The following DOCK8 variants were observed in gnomAD, a reference collection of about 807,000 sequenced individuals.
DOCK8 encodes dedicator of cytokinesis 8.
In DOCK8, 141 loss-of-function variants were observed where a neutral mutation model predicts 245.6. The observed-to-expected ratio is 0.57, with a 90% confidence interval of 0.50 to 0.66. DOCK8 has a LOEUF of 0.66. Ranked by LOEUF, DOCK8 falls within the 30% of genes least tolerant of loss-of-function variation. The probability of loss-of-function intolerance (pLI) is 0.00; values close to 1 mark genes in which losing one functional copy is unlikely to be tolerated. For missense variants in DOCK8, 2,965 were observed against 2,603.4 expected (o/e 1.14, Z -3.02); for synonymous variants, 1,168 against 970.2 (o/e 1.20, Z -3.79).
At chr9:275,061 A>AT (rs1300366506) in intron 2 of DOCK8, among the ~76,000 whole-genome samples, 1 of 152,248 alleles carries the variant, frequency 6.6e-6, no homozygotes, top group African/African-American at 2.4e-5. Flanking sequence ...TACAGTTGTC[A>AT]TTTATTAGTC....
chr9:451,780 A>G (rs578120588), intron 45 of DOCK8, among the ~76,000 whole-genome samples: 6 of 151,488 alleles, frequency 4.0e-5, no homozygotes, highest in Non-Finnish European at 8.8e-5. Flanking sequence ...TACAAAATTA[A>G]ATGTTCAAAC....
intron 19 of DOCK8, among the ~76,000 whole-genome samples, chr9:376,718 G>A (rs1215151668): frequency 2.0e-5 from 3 of 152,166 alleles, no homozygotes; most frequent in Admixed American, 6.5e-5. Flanking sequence ...TACCTGGTAC[G>A]CTGACCTCTG....
chr9:288,947 A>G (rs1173566200), intron 3 of DOCK8, among the ~76,000 whole-genome samples: 2 of 152,202 alleles, frequency 1.3e-5, no homozygotes, highest in African/African-American at 4.8e-5. Flanking sequence ...GTTATTTTTG[A>G]TTTCAAGACT....
chr9:332,265 TAAAA>T (rs59755494), intron 9 of DOCK8, 129 bp from the exon 10 acceptor site: 3 of 644,316 alleles, frequency 4.7e-6, no homozygotes, highest in Non-Finnish European at 8.2e-6. Flanking sequence ...AATTTTTTAA[TAAAA>T]AAATATGTAT....
intron 1 of DOCK8, among the ~76,000 whole-genome samples, chr9:267,563 G>A (rs553054529): frequency 6.6e-5 from 10 of 152,306 alleles, no homozygotes; most frequent in African/African-American, 2.2e-4. Context: ...AGACCTGAAT[G>A]AGGTAGTTAT....
chr9:248,535 TTC>T (rs1563839257), intron 1 of DOCK8, among the ~76,000 whole-genome samples: 4 of 88,316 alleles, frequency 4.5e-5, no homozygotes, highest in Non-Finnish European at 1.2e-4. Flanking sequence ...CTCTCTCTCT[TTC>T]TTTCTTTCTT....
rs568993956 is a variant in DOCK8, at chr9:264,454, G to A, written c.54-7173G>A. Among the ~76,000 whole-genome samples, 11 of 152,292 alleles carry A rather than the reference G, an allele frequency of 7.2e-5. No homozygotes were observed. In the South Asian group the frequency reaches 1.5e-3, roughly 20 times the overall value. ...AGTCATGTTTCCACCTGTTGAATCCGTTTTATGGAAGTTGTACAGTTATGG... is the reference window on the plus strand; with the variant it reads ...AGTCATGTTTCCACCTGTTGAATCCATTTTATGGAAGTTGTACAGTTATGG... On this transcript the variant is annotated intron_variant, in intron 1 of 47. Coordinates refer to ENST00000432829, the MANE Select transcript of DOCK8 (RefSeq NM_203447.4).
intron 14 of DOCK8, among the ~76,000 whole-genome samples, chr9:367,031 G>A (rs976737232): frequency 2.0e-5 from 3 of 152,180 alleles, no homozygotes; most frequent in Non-Finnish European, 4.4e-5. Context: ...GATATGGGGT[G>A]TATTACCTAA....
chr9:279,818 C>G (rs1226257950), intron 2 of DOCK8, among the ~76,000 whole-genome samples: 1 of 152,204 alleles, frequency 6.6e-6, no homozygotes, highest in Non-Finnish European at 1.5e-5. Context: ...GACATCATGC[C>G]TCTTCCCCGT....
chr9:407,801 G>A (rs2055510147), intron 28 of DOCK8, among the ~76,000 whole-genome samples: 2 of 152,202 alleles, frequency 1.3e-5, no homozygotes. Flanking sequence ...ACAGTTAGGT[G>A]TTAGAGTACA....
At chr9:232,542 G>A (rs1226291008) in intron 1 of DOCK8, among the ~76,000 whole-genome samples, 1 of 152,088 alleles carries the variant, frequency 6.6e-6, no homozygotes, top group Admixed American at 6.6e-5. Flanking sequence ...CTTTTTGGTT[G>A]GTAAGCTATT....
chr9:272,029 G>C (rs1316460117), intron 2 of DOCK8, among the ~76,000 whole-genome samples: 1 of 152,154 alleles, frequency 6.6e-6, no homozygotes, highest in East Asian at 1.9e-4. Context: ...AGAAGGGCTA[G>C]CCCAAAAACT....
intron 46 of DOCK8, chr9:457,068 G>A (rs1244022002): frequency 6.6e-6 from 1 of 152,206 alleles, no homozygotes. Context: ...GAAGGAGAAG[G>A]AATTTGTCCG....
chr9:367,995 AT>A, intron 14 of DOCK8, 22 bp from the exon 15 acceptor site: 1 of 1,575,406 alleles, frequency 6.3e-7, no homozygotes, highest in Non-Finnish European at 8.7e-7. Context: ...TTTTTCATTG[AT>A]TCTTTATCTC....
intron 36 of DOCK8, among the ~76,000 whole-genome samples, 188 bp downstream of exon 36, chr9:430,042 C>T (rs1193544990): frequency 6.6e-6 from 1 of 152,188 alleles, no homozygotes; most frequent in Admixed American, 6.5e-5. Context: ...GTGAATTCAT[C>T]AGATAAATGC....
intron 2 of DOCK8, among the ~76,000 whole-genome samples, chr9:282,738 A>G (rs13291664): frequency 0.12 from 18,057 of 152,170 alleles, 1,388 homozygotes; most frequent in Non-Finnish European, 0.18. Flanking sequence ...GACAAGTATT[A>G]TTCTCTGGCA....
intron 44 of DOCK8, among the ~76,000 whole-genome samples, chr9:448,486 G>A (rs766629137): frequency 1.3e-5 from 2 of 152,206 alleles, no homozygotes; most frequent in Non-Finnish European, 2.9e-5. Flanking sequence ...GTAGAACAAA[G>A]TTCCATAGAC....
At chr9:243,056 A>C (rs2047414620) in intron 1 of DOCK8, among the ~76,000 whole-genome samples, 1 of 152,158 alleles carries the variant, frequency 6.6e-6, no homozygotes, top group African/African-American at 2.4e-5. Context: ...AGCTGTGGAC[A>C]AAGATTCCTT....
chr9:290,985 TC>T (rs2049014642), intron 4 of DOCK8, among the ~76,000 whole-genome samples: 1 of 152,222 alleles, frequency 6.6e-6, no homozygotes. Context: ...TAGATGCCAA[TC>T]CATCATCTGT....
Sources: allele counts gnomAD v4.1 joint callset (sites outside exome capture counted in the v4.1 genomes callset), GRCh38; gene constraint gnomAD v4.1.1; transcripts MANE v1.5; gene names NCBI Gene and HGNC (gene_info 2026-07-23, HGNC 2026-07-21).